Variants in CC2D2A observed in about 807,000 individuals in gnomAD.
The protein encoded by CC2D2A is coiled-coil and C2 domain containing 2A, also known as coiled-coil and C2 domain-containing protein 2A.
A neutral mutation model predicts 212.9 loss-of-function variants in CC2D2A; 155 were observed. The ratio of observed to expected loss-of-function variants is 0.73; its 90% CI spans 0.64 to 0.83. The LOEUF (loss-of-function observed/expected upper bound fraction) is 0.83, where lower values mean the gene tolerates loss of function less well. CC2D2A is among the 40% of genes least tolerant of loss of function. CC2D2A has a pLI of 0.00. For missense variants in CC2D2A, 1,856 were observed against 1,956.2 expected, an observed-to-expected ratio of 0.95 and a Z score of 0.97; for synonymous variants, 667 against 686.5, an observed-to-expected ratio of 0.97 and a Z score of 0.44.
intron 5 of CC2D2A, 105 bp from the exon 6 acceptor site, chr4:15,502,717 T>C (rs1716029519): frequency 1.3e-5 from 15 of 1,121,212 alleles, no homozygotes; most frequent in Admixed American, 2.5e-5. Flanking sequence ...TTCTGAACCA[T>C]TTTCCTTGCT....
At chr4:15,569,440 AC>A in intron 27 of CC2D2A, 51 bp downstream of exon 27, 5 of 1,023,752 alleles carry the variant, frequency 4.9e-6, no homozygotes, top group Non-Finnish European at 7.5e-6. Context: ...CATATCCTCT[AC>A]CCACTACATA....
chr4:15,601,531 AAAATTATCAAC>A lies in CC2D2A; in HGVS notation c.*107_*117del. The stretch of plus-strand genomic sequence containing the variant: ...GAAGAACATATTATTGGCAAATAAT[AAAATTATCAAC>A]TGTTTTCAAACTGTGCAAAGTGTTC... On this transcript the variant is annotated 3_prime_UTR_variant, in exon 37 of 37. Coordinates refer to ENST00000424120, the MANE Select transcript of CC2D2A (RefSeq NM_001378615.1). The A allele has an allele frequency of 1.4e-6, 1 of 713,386 alleles. No homozygotes were observed. Among genetic ancestry groups the A allele is most frequent in the Non-Finnish European group, 2.2e-6 (1 of 461,014 alleles). 44.2% of individuals were successfully genotyped at this position (713,386 alleles called of 1,614,324 possible). A position where few individuals can be genotyped will look rare whatever the true frequency, so the allele number is the denominator to read the frequency against.
At chr4:15,540,482 A>G (rs796941559) in intron 16 of CC2D2A, among the ~76,000 whole-genome samples, 22 of 152,348 alleles carry the variant, frequency 1.4e-4, no homozygotes, top group African/African-American at 5.1e-4. Context: ...TCAAATATAA[A>G]TCATTATTAT....
chr4:15,529,421 C>A (rs1357166724), intron 13 of CC2D2A, among the ~76,000 whole-genome samples: 2 of 151,826 alleles, frequency 1.3e-5, no homozygotes, highest in African/African-American at 4.8e-5. Flanking sequence ...TAGAAATAAC[C>A]CAGTAGCAGA....
intron 4 of CC2D2A, among the ~76,000 whole-genome samples, chr4:15,500,294 A>G (rs1404557713): frequency 3.3e-5 from 5 of 152,068 alleles, no homozygotes; most frequent in African/African-American, 9.7e-5. Flanking sequence ...GGGGTCTGCC[A>G]TTGACCAAAA....
intron 35 of CC2D2A, 109 bp downstream of exon 35, chr4:15,597,574 T>G (rs1721374560): frequency 2.4e-6 from 2 of 842,046 alleles, no homozygotes; most frequent in Non-Finnish European, 3.9e-6. Flanking sequence ...GCAACTTAAC[T>G]TTAATTCATG....
rs1317820890 is a variant in CC2D2A, at chr4:15,502,917, C to G, written c.432C>G (p.Gly144=). 1.9e-6 allele frequency: 3 copies of G among 1,605,860 alleles called. No homozygotes were observed. The highest frequency in any genetic ancestry group is 4.5e-5 in the East Asian group (2 of 44,694). The change falls in exon 6 of 37, where the codon GGC becomes GGG. Residue 144 remains glycine, a synonymous_variant. Coordinates refer to ENST00000424120, the MANE Select transcript of CC2D2A (RefSeq NM_001378615.1). ...PSKKELETEF[G]TEPGKEVERT... ...AGAAAGAATTGGAGACTGAATTTGGCACAGAGGTGAGAAATACCCTCTCTA... is the reference window on the plus strand; with the variant it reads ...AGAAAGAATTGGAGACTGAATTTGGGACAGAGGTGAGAAATACCCTCTCTA...
Position 15,528,741 on chromosome 4 carries a change from T to G in CC2D2A, c.1466+15T>G. 1 of 1,574,324 alleles carries G rather than the reference T, an allele frequency of 6.4e-7. No individual in the cohort carries two copies. Among genetic ancestry groups the G allele is most frequent in the Non-Finnish European group, 8.7e-7 (1 of 1,150,010 alleles). On this transcript the variant is annotated intron_variant, in intron 13 of 36. Transcript: ENST00000424120. Reference sequence around the variant, plus strand: ...TCTGAAATTCGGTGAGTAAAGTTTGTTAAGTGTAACTACTTTTTTTCCCGT... The same window carrying G: ...TCTGAAATTCGGTGAGTAAAGTTTGGTAAGTGTAACTACTTTTTTTCCCGT...
chr4:15,546,045 G>T (rs996401364), intron 17 of CC2D2A, among the ~76,000 whole-genome samples: 2 of 152,032 alleles, frequency 1.3e-5, no homozygotes, highest in Non-Finnish European at 1.5e-5. Context: ...GGGAGTTTGA[G>T]GCTGCAATGA....
At chr4:15,558,162 T>C (rs1282364482) in intron 21 of CC2D2A, among the ~76,000 whole-genome samples, 2 of 152,172 alleles carry the variant, frequency 1.3e-5, no homozygotes, top group East Asian at 3.8e-4. Context: ...TTTTTTTCTT[T>C]TTCCCTGCTT....
At chr4:15,478,685 C>T (rs1257875749) in intron 2 of CC2D2A, 38 bp from the exon 3 acceptor site, 1 of 1,469,824 alleles carries the variant, frequency 6.8e-7, no homozygotes, top group Admixed American at 2.0e-5. Flanking sequence ...ACCTCTCTTC[C>T]TGTCTTAAGA....
chr4:15,516,164 C>A (rs1222361451), intron 10 of CC2D2A, among the ~76,000 whole-genome samples, 160 bp downstream of exon 10: 2 of 151,832 alleles, frequency 1.3e-5, no homozygotes, highest in Non-Finnish European at 2.9e-5. Context: ...TCTCTCAGTA[C>A]ATTTATTGAT....
intron 17 of CC2D2A, among the ~76,000 whole-genome samples, chr4:15,542,897 C>G (rs1718533263): frequency 6.6e-6 from 1 of 152,182 alleles, no homozygotes; most frequent in Non-Finnish European, 1.5e-5. Flanking sequence ...AGTTAAAAAC[C>G]TTCTACAACC....
Position 15,527,597 on chromosome 4 carries a change from T to A in CC2D2A, c.1300T>A (p.Leu434Ile). The change falls in exon 12 of 37, where the codon TTA (leucine) becomes ATA (isoleucine). Residue 434 changes from leucine to isoleucine, a missense_variant. By Grantham distance (5) the Leu-to-Ile change is conservative. Transcript: ENST00000424120. The stretch of plus-strand genomic sequence containing the variant: ...TGTTTTGGCAGCCAAGCTGGCCCAG[T>A]TATATGACCAGTACCTTGCAAGACA... ...EHVLAAKLAQ[L>I]YDQYLARHQR... 1 of 1,613,242 alleles carries A rather than the reference T, an allele frequency of 6.2e-7. No individual in the cohort carries two copies. The highest frequency in any genetic ancestry group is 8.5e-7 in the Non-Finnish European group (1 of 1,179,548).
intron 17 of CC2D2A, among the ~76,000 whole-genome samples, chr4:15,545,587 G>A (rs1324610078): frequency 3.0e-4 from 46 of 152,090 alleles, no homozygotes; most frequent in Admixed American, 3.0e-3. Context: ...TAACCATAAG[G>A]CTCAGAGCTT....
chr4:15,510,488 T>C (rs1477708171), intron 7 of CC2D2A, among the ~76,000 whole-genome samples: 3 of 152,110 alleles, frequency 2.0e-5, no homozygotes, highest in Admixed American at 2.0e-4. Context: ...CCAAGCTACC[T>C]GGGAGGCTGA....
chr4:15,531,713 C>T lies in CC2D2A; in HGVS notation c.1467-1480C>T, dbSNP rs147198477. Among the ~76,000 whole-genome samples, 1,335 of 152,086 alleles carry T rather than the reference C, an allele frequency of 8.8e-3. 80 individuals carry two copies. The highest frequency in any genetic ancestry group is 0.081 in the Admixed American group (1,237 of 15,260). On this transcript the variant is annotated intron_variant, in intron 13 of 36. Transcript: ENST00000424120. ...TTTGTAATTTTCTGCTTCTTTAGCT[C>T]GTATGCAAATTTTTCTTGCTAAGAG... is the stretch of plus-strand genomic sequence containing the variant.
intron 33 of CC2D2A, among the ~76,000 whole-genome samples, chr4:15,591,219 ATTTT>A (rs10706968): frequency 8.8e-6 from 1 of 113,616 alleles, no homozygotes. Flanking sequence ...CCATCAGTCT[ATTTT>A]TTTTTTTTTT....
At chr4:15,599,507 G>A (rs371743035) in intron 35 of CC2D2A, 22 bp from the exon 36 acceptor site, 35 of 1,477,482 alleles carry the variant, frequency 2.4e-5, no homozygotes, top group Non-Finnish European at 3.2e-5. Flanking sequence ...ACCAAAAAAT[G>A]GAATTTATGT....
Sources: gnomAD v4.1 joint callset for allele counts (sites outside exome capture counted in the v4.1 genomes callset) on GRCh38, gnomAD v4.1.1 for gene constraint, MANE v1.5 for transcripts, NCBI Gene and HGNC (gene_info 2026-07-23, HGNC 2026-07-21) for gene names.